The following MTARC1 variants were observed in gnomAD, a reference collection of about 807,000 sequenced individuals.
The protein encoded by MTARC1 is mitochondrial amidoxime reducing component 1.
In MTARC1, 24 loss-of-function variants were observed where a neutral mutation model predicts 33.6. The ratio of observed to expected loss-of-function variants is 0.72; its 90% CI spans 0.52 to 1.01. MTARC1 has a LOEUF of 1.01. Among genes scored for constraint, MTARC1 ranks in the 50% least tolerant of loss-of-function variants. The probability of loss-of-function intolerance (pLI) is 0.00; values close to 1 mark genes in which losing one functional copy is unlikely to be tolerated. For missense variants in MTARC1, 417 were observed against 445.7 expected (o/e 0.94, Z 0.58); for synonymous variants, 187 against 189.5 (o/e 0.99, Z 0.11).
At chr1:220,811,807 T>C (rs1673142321) in intron 6 of MTARC1, among the ~76,000 whole-genome samples, 1 of 152,232 alleles carries the variant, frequency 6.6e-6, no homozygotes, top group African/African-American at 2.4e-5. Context: ...TTCATATTTA[T>C]ACTGCCTCTG....
At chr1:220,794,002 G>A (rs1308772451) in intron 2 of MTARC1, 1 of 152,164 alleles carries the variant, frequency 6.6e-6, no homozygotes, top group African/African-American at 2.4e-5. Context: ...AGAAATAGAT[G>A]TTGCAATGGA....
chr1:220,808,507 A>G (rs1673037106), intron 6 of MTARC1, among the ~76,000 whole-genome samples: 1 of 152,238 alleles, frequency 6.6e-6, no homozygotes, highest in Admixed American at 6.5e-5. Flanking sequence ...GCCTGGCCAC[A>G]TCCCATAAAT....
intron 2 of MTARC1, among the ~76,000 whole-genome samples, chr1:220,792,631 T>C (rs1012048116): frequency 4.0e-5 from 6 of 149,656 alleles, no homozygotes; most frequent in Non-Finnish European, 8.9e-5. Flanking sequence ...TATTCATTGT[T>C]GAAAATTTGG....
chr1:220,787,749 G>A (rs1275084803), intron 1 of MTARC1, among the ~76,000 whole-genome samples: 4 of 152,146 alleles, frequency 2.6e-5, no homozygotes, highest in African/African-American at 4.8e-5. Flanking sequence ...CAGCACTTTG[G>A]GAGGCCGAGG....
At chr1:220,801,872 T>C (rs984893760) in intron 4 of MTARC1, among the ~76,000 whole-genome samples, 3 of 152,062 alleles carry the variant, frequency 2.0e-5, no homozygotes, top group Non-Finnish European at 4.4e-5. Context: ...AGCTACCTTC[T>C]CAGCAACTGT....
chr1:220,813,510 T>C lies in MTARC1; in HGVS notation c.*92T>C, dbSNP rs932658868. The C allele has an allele frequency of 6.7e-7, 1 of 1,495,148 alleles. No homozygotes were observed. Among genetic ancestry groups the C allele is most frequent in the Non-Finnish European group, 9.1e-7 (1 of 1,103,218 alleles). 92.6% of individuals were successfully genotyped at this position (1,495,148 alleles called of 1,614,324 possible). On this transcript the variant is annotated 3_prime_UTR_variant, in exon 7 of 7. Transcript: ENST00000366910. ...AGCATGGTGTTTCAGAACTGAGACC[T>C]CTACATTTTCTTTAAATTTGTGATT...
intron 2 of MTARC1, 44 bp from the exon 3 acceptor site, chr1:220,796,599 A>G: frequency 6.6e-7 from 1 of 1,525,542 alleles, no homozygotes; most frequent in Non-Finnish European, 8.8e-7. Context: ...GGGTGCATGG[A>G]TTTTCAAAGC....
At chr1:220,799,254 A>G (rs1215288813) in intron 4 of MTARC1, 1 of 881,608 alleles carries the variant, frequency 1.1e-6, no homozygotes, top group Admixed American at 6.2e-5. Flanking sequence ...TCTTCTAAAG[A>G]TGGTGGAGAA....
chr1:220,800,256 G>A (rs187816592), intron 4 of MTARC1, among the ~76,000 whole-genome samples: 44 of 152,362 alleles, frequency 2.9e-4, no homozygotes, highest in Admixed American at 5.2e-4. Context: ...GAAGCTGGGC[G>A]GTAACACAAT....
Position 220,787,198 on chromosome 1 carries a change from G to C in MTARC1, c.254G>C (p.Arg85Pro). The C allele has an allele frequency of 1.9e-6, 3 of 1,576,444 alleles. No homozygotes were observed. The highest frequency in any genetic ancestry group is 2.6e-6 in the Non-Finnish European group (3 of 1,162,202). Residue 85 changes from arginine to proline, a missense_variant, in exon 1 of 7, where the codon CGC becomes CCC. Physicochemically the swap from Arg to Pro is moderately radical, Grantham distance 103. Transcript: ENST00000366910. Reference protein sequence around the residue: ...SEAECTAMGLRSGNLRDRFWL... With the variant: ...SEAECTAMGLPSGNLRDRFWL... ...GCGGAGTGCACGGCCATGGGGCTGC[G>C]CAGCGGCAACCTGCGGGACAGGTAC... is the stretch of plus-strand genomic sequence containing the variant.
intron 4 of MTARC1, among the ~76,000 whole-genome samples, chr1:220,802,911 A>C (rs1450021615): frequency 6.6e-6 from 1 of 152,188 alleles, no homozygotes; most frequent in Non-Finnish European, 1.5e-5. Flanking sequence ...GTTTGTAACA[A>C]ATCATCAGTG....
At chr1:220,788,530 T>G (rs1672312877) in intron 1 of MTARC1, among the ~76,000 whole-genome samples, 1 of 152,192 alleles carries the variant, frequency 6.6e-6, no homozygotes. Context: ...GGCTCACTTC[T>G]GTAATCCCAG....
At chr1:220,807,480 G>A (rs1334874289) in intron 6 of MTARC1, among the ~76,000 whole-genome samples, 1 of 152,176 alleles carries the variant, frequency 6.6e-6, no homozygotes, top group African/African-American at 2.4e-5. Flanking sequence ...CTACTCGGGT[G>A]GCTGAGGTAG....
chr1:220,801,441 G>C (rs1027237148), intron 4 of MTARC1, among the ~76,000 whole-genome samples: 14 of 152,186 alleles, frequency 9.2e-5, no homozygotes, highest in Non-Finnish European at 2.1e-4. Context: ...GAGGACAGGG[G>C]CTGCTGTATC....
At position 220,805,221 on chromosome 1, in the gene MTARC1, G is replaced by A; in HGVS notation, c.834G>A (p.Val278=). ...TGTCCAGATGCATTTTAACCACAGT[G>A]GACCCAGACACCGGTGTCATGAGCA... ...MACSRCILTT[V]DPDTGVMSRK... is the part of the protein sequence containing the mutation. The change falls in exon 6 of 7, where the codon GTG becomes GTA. Residue 278 remains valine (V), a synonymous_variant. Coordinates refer to ENST00000366910, the MANE Select transcript of MTARC1 (RefSeq NM_022746.4). 6.2e-7 allele frequency: 1 copy of A among 1,613,906 alleles called. No homozygotes were observed. Among genetic ancestry groups the A allele is most frequent in the Non-Finnish European group, 8.5e-7 (1 of 1,180,040 alleles).
chr1:220,813,514 C>T lies in MTARC1; in HGVS notation c.*96C>T. On this transcript the variant is annotated 3_prime_UTR_variant, in exon 7 of 7. Coordinates refer to ENST00000366910, the MANE Select transcript of MTARC1 (RefSeq NM_022746.4). ...TGGTGTTTCAGAACTGAGACCTCTACATTTTCTTTAAATTTGTGATTTTCA... is the reference window on the plus strand; with the variant it reads ...TGGTGTTTCAGAACTGAGACCTCTATATTTTCTTTAAATTTGTGATTTTCA... 6.7e-7 allele frequency: 1 copy of T among 1,488,794 alleles called. No individual in the cohort carries two copies. The highest frequency in any genetic ancestry group is 9.1e-7 in the Non-Finnish European group (1 of 1,098,490). 92.2% of individuals were successfully genotyped at this position (1,488,794 alleles called of 1,614,324 possible).
At chr1:220,800,876 A>G (rs2642444) in intron 4 of MTARC1, among the ~76,000 whole-genome samples, 46,559 of 149,222 alleles carry the variant, frequency 0.31, 7,741 homozygotes, top group East Asian at 0.44. Context: ...TACAGTTGAC[A>G]GATCTTGGTG....
chr1:220,795,492 G>C (rs1558086151), intron 2 of MTARC1, among the ~76,000 whole-genome samples: 1 of 152,116 alleles, frequency 6.6e-6, no homozygotes, highest in East Asian at 1.9e-4. Flanking sequence ...TCTTTAAATT[G>C]ATTCAGCTTA....
At chr1:220,808,807 A>G (rs532500702) in intron 6 of MTARC1, 22 of 471,074 alleles carry the variant, frequency 4.7e-5, no homozygotes, top group Admixed American at 4.5e-4. Context: ...CAGTGGAGGC[A>G]TGTCTGCTAA....
Sources: allele counts gnomAD v4.1 joint callset (sites outside exome capture counted in the v4.1 genomes callset), GRCh38; gene constraint gnomAD v4.1.1; transcripts MANE v1.5; gene names NCBI Gene and HGNC (gene_info 2026-07-23, HGNC 2026-07-21).